BTK: variants seen among roughly 807,000 people sequenced by gnomAD.
BTK encodes the protein Bruton tyrosine kinase.
A neutral mutation model predicts 57.4 loss-of-function variants in BTK; 5 were observed. That is an observed-to-expected ratio of 0.09 (90% confidence interval 0.05 to 0.18). The LOEUF (loss-of-function observed/expected upper bound fraction) is 0.18, where lower values mean the gene tolerates loss of function less well. BTK is among the 10% of genes least tolerant of loss of function. The probability of loss-of-function intolerance (pLI) is 1.00; values close to 1 mark genes in which losing one functional copy is unlikely to be tolerated. For synonymous variants in BTK, 154 were observed against 174.3 expected (o/e 0.88, Z 0.92); for missense variants, 194 against 501.2 (o/e 0.39, Z 5.85).
At chrX:101,354,931 G>A (rs1926419522) in intron 15 of BTK, among the ~76,000 whole-genome samples, 1 of 112,101 alleles carries the variant, frequency 8.9e-6, no homozygotes, top group Non-Finnish European at 1.9e-5. Flanking sequence ...CAGAACGATT[G>A]CATTCTCATG....
upstream of BTK, among the ~76,000 whole-genome samples, chrX:101,387,544 G>T (rs1414613723): frequency 9.2e-6 from 1 of 108,932 alleles, no homozygotes; most frequent in East Asian, 2.9e-4. Flanking sequence ...TAGAGATGGG[G>T]TTTCACTATG....
chrX:101,379,409 G>A (rs950485338), intron 1 of BTK, among the ~76,000 whole-genome samples: 1 of 111,444 alleles, frequency 9.0e-6, no homozygotes, highest in Non-Finnish European at 1.9e-5. Flanking sequence ...TCTTTCCTTA[G>A]GGGGATGGAA....
At chrX:101,382,232 T>C (rs1927465062) in intron 1 of BTK, among the ~76,000 whole-genome samples, 1 of 110,652 alleles carries the variant, frequency 9.0e-6, no homozygotes, top group Admixed American at 9.6e-5. Context: ...GAAAGCTGCA[T>C]GCTGACCAGG....
chrX:101,388,942 G>A (rs782774211), upstream of BTK, among the ~76,000 whole-genome samples: 6 of 111,697 alleles, frequency 5.4e-5, no homozygotes, highest in African/African-American at 2.0e-4. Flanking sequence ...TTAATGAGCA[G>A]GAGCATGTCC....
chrX:101,383,151 TATA>T (rs1285401697), intron 1 of BTK, among the ~76,000 whole-genome samples: 1 of 112,236 alleles, frequency 8.9e-6, no homozygotes, highest in African/African-American at 3.2e-5. Context: ...GTGTGTTTCT[TATA>T]ATATTTGAGA....
intron 14 of BTK, 182 bp downstream of exon 14, chrX:101,356,602 C>A: frequency 1.9e-6 from 1 of 518,099 alleles, no homozygotes. Flanking sequence ...TATTCTCAAC[C>A]AATATCTAAG....
At chrX:101,362,892 T>C in intron 5 of BTK, 1 of 488,639 alleles carries the variant, frequency 2.0e-6, no homozygotes, top group Non-Finnish European at 3.6e-6. Context: ...TCCTGTGCAG[T>C]TTTCTTTAGT....
intron 1 of BTK, chrX:101,377,856 C>T (rs1555981251): frequency 9.0e-6 from 1 of 111,271 alleles, no homozygotes; most frequent in Non-Finnish European, 1.9e-5. Context: ...GATTTGGTAC[C>T]ACCTTCTTTG....
chrX:101,352,899 CAA>C (rs60191867), intron 18 of BTK: 4,684 of 160,815 alleles, frequency 0.029, no homozygotes, highest in Middle Eastern at 0.059. Flanking sequence ...ACTGTGTCAC[CAA>C]AAAAAAAAAA....
At chrX:101,359,477 A>G (rs1555978308) in intron 9 of BTK, 130 bp from the exon 10 acceptor site, 4 of 656,137 alleles carry the variant, frequency 6.1e-6, no homozygotes, top group Non-Finnish European at 1.0e-5. Flanking sequence ...AGCATCTGTC[A>G]TGTGCATAGC....
At chrX:101,351,012 T>G (rs1162301732) in intron 18 of BTK, among the ~76,000 whole-genome samples, 1 of 111,945 alleles carries the variant, frequency 8.9e-6, no homozygotes, top group Non-Finnish European at 1.9e-5. Context: ...GAATTTTTTT[T>G]TGTGACACAG....
At chrX:101,373,648 C>T (rs1239014745) in intron 3 of BTK, among the ~76,000 whole-genome samples, 1 of 112,169 alleles carries the variant, frequency 8.9e-6, no homozygotes, top group Non-Finnish European at 1.9e-5. Context: ...GTTGTTTTAA[C>T]TGGGTAACAG....
At chrX:101,376,073 C>T (rs1338043421) in intron 1 of BTK, among the ~76,000 whole-genome samples, 1 of 110,932 alleles carries the variant, frequency 9.0e-6, no homozygotes, top group Non-Finnish European at 1.9e-5. Context: ...AACTGTCTTA[C>T]TGATATAGAT....
At chrX:101,363,638 G>A (rs1316884875) in intron 5 of BTK, among the ~76,000 whole-genome samples, 5 of 107,096 alleles carry the variant, frequency 4.7e-5, no homozygotes, top group East Asian at 2.9e-4. Context: ...CCTGGCTGGC[G>A]GAGGTTGCAG....
intron 3 of BTK, among the ~76,000 whole-genome samples, chrX:101,373,255 A>ATTTT (rs1555980624): frequency 4.3e-4 from 48 of 111,753 alleles, no homozygotes; most frequent in Non-Finnish European, 8.7e-4. Context: ...AAAGAGAAGA[A>ATTTT]CAAAATTTTA....
chrX:101,371,519 A>G (rs782675845), intron 4 of BTK, 114 bp downstream of exon 4: 34 of 646,216 alleles, frequency 5.3e-5, no homozygotes, highest in Non-Finnish European at 8.9e-5. Flanking sequence ...ATCCTTGTCC[A>G]CCTCAACTTC....
At chrX:101,382,631 G>A (rs1323912534) in intron 1 of BTK, among the ~76,000 whole-genome samples, 3 of 110,955 alleles carry the variant, frequency 2.7e-5, no homozygotes, top group Non-Finnish European at 5.7e-5. Context: ...TTGCATTAGC[G>A]ACAATATATT....
intron 5 of BTK, among the ~76,000 whole-genome samples, chrX:101,367,782 T>TGCATTCCCCCATTTC (rs1555979704): frequency 1.8e-5 from 2 of 111,795 alleles, no homozygotes; most frequent in African/African-American, 6.5e-5. Context: ...TATTTCTCCT[T>TGCATTCCCCCATTTC]CAGCTAGTCT....
intron 1 of BTK, among the ~76,000 whole-genome samples, chrX:101,382,031 C>CA (rs576652772): frequency 0.1 from 5,555 of 54,293 alleles, 203 homozygotes; most frequent in South Asian, 0.29. Context: ...GACTCCGTCT[C>CA]AAAAAAAAAA....
Sources: gnomAD v4.1 joint callset for allele counts (sites outside exome capture counted in the v4.1 genomes callset) on GRCh38, gnomAD v4.1.1 for gene constraint, MANE v1.5 for transcripts, NCBI Gene and HGNC (gene_info 2026-07-23, HGNC 2026-07-21) for gene names.